The following MACROD2 variants were observed in gnomAD, a reference collection of about 807,000 sequenced individuals.
MACROD2 encodes the protein ADP-ribose glycohydrolase MACROD2.
In MACROD2, 36 loss-of-function variants were observed where a neutral mutation model predicts 70.4. The observed-to-expected ratio is 0.51, with a 90% confidence interval of 0.39 to 0.68. MACROD2 has a LOEUF of 0.68. Ranked by LOEUF, MACROD2 falls within the 30% of genes least tolerant of loss-of-function variation. The probability of loss-of-function intolerance (pLI) is 0.00; values close to 1 mark genes in which losing one functional copy is unlikely to be tolerated. For synonymous variants in MACROD2, 172 were observed against 178.8 expected (o/e 0.96, Z 0.30); for missense variants, 496 against 538.4 (o/e 0.92, Z 0.78).
At chr20:15,764,774 A>T (rs750200757) in intron 8 of MACROD2, among the ~76,000 whole-genome samples, 65 of 152,326 alleles carry the variant, frequency 4.3e-4, no homozygotes, top group Admixed American at 9.8e-4. Context: ...ACAAAATCAG[A>T]TCACAGCAAT....
chr20:14,678,244 T>C (rs184632987), intron 4 of MACROD2, among the ~76,000 whole-genome samples: 39 of 152,252 alleles, frequency 2.6e-4, no homozygotes, highest in African/African-American at 7.9e-4. Flanking sequence ...GGACTGGATG[T>C]AGAAATAGTT....
rs1037833685 is a variant in MACROD2 at position 15,825,093 on chromosome 20, C to A, written c.646-37652C>A. 2.6e-5 allele frequency among the ~76,000 whole-genome samples: 4 copies of A among 152,158 alleles called. No homozygotes were observed. In the South Asian group the frequency reaches 6.2e-4, roughly 24 times the overall value. On this transcript the variant is annotated intron_variant, in intron 8 of 17. Coordinates refer to ENST00000684519, the MANE Select transcript of MACROD2 (RefSeq NM_001351661.2). ...AATCTTTGACAATGTTCTCACCAGG[C>A]CAAAGCACAATGAGAAAAACATAAG...
chr20:14,560,143 G>A (rs546097282), intron 4 of MACROD2, among the ~76,000 whole-genome samples: 34 of 151,884 alleles, frequency 2.2e-4, no homozygotes, highest in African/African-American at 6.0e-4. Flanking sequence ...CTTGCTATCC[G>A]TTTTAAAGAA....
chr20:14,881,389 C>T (rs1319691795), intron 5 of MACROD2, among the ~76,000 whole-genome samples: 2 of 151,704 alleles, frequency 1.3e-5, no homozygotes, highest in South Asian at 4.2e-4. Context: ...AAAATAAAAG[C>T]TGGTGAACCT....
chr20:15,397,706 G>T (rs955085742), intron 6 of MACROD2, among the ~76,000 whole-genome samples: 42 of 152,268 alleles, frequency 2.8e-4, no homozygotes, highest in African/African-American at 9.6e-4. Flanking sequence ...TGAGATATAG[G>T]AATCTGATAG....
Position 15,117,385 on chromosome 20 carries a change from TG to T in MACROD2, c.419-112553del, listed in dbSNP as rs1456518527. ...TAGAAGAAATGAGTTGGTGTTTTTA[TG>T]GTGTTTCCTTCGAAACCCAAAACTG... On this transcript the variant is annotated intron_variant, in intron 5 of 17. Coordinates refer to ENST00000684519, the MANE Select transcript of MACROD2 (RefSeq NM_001351661.2). Among the ~76,000 whole-genome samples, 3 of 152,336 alleles carry T rather than the reference TG, an allele frequency of 2.0e-5. No homozygotes were observed. In the East Asian group the frequency reaches 5.8e-4, roughly 29 times the overall value.
At chr20:14,246,948 G>A (rs1434994137) in intron 3 of MACROD2, among the ~76,000 whole-genome samples, 2 of 152,086 alleles carry the variant, frequency 1.3e-5, no homozygotes, top group African/African-American at 4.8e-5. Context: ...CTTTATGACA[G>A]TCTTAACCCT....
rs188706906 is a variant in MACROD2, at chr20:14,550,610, C to T, written c.301+57102C>T. Among the ~76,000 whole-genome samples the T allele has an allele frequency of 1.4e-3, 220 of 152,292 alleles. 1 individual carries two copies. The highest frequency in any genetic ancestry group is 0.01 in the Middle Eastern group (3 of 294). ...CAGAACTGTGAGAAATAAATTTCCCCCTCCTACTAAATAGTTTTAGCTAAA... is the reference window on the plus strand; with the variant it reads ...CAGAACTGTGAGAAATAAATTTCCCTCTCCTACTAAATAGTTTTAGCTAAA... On this transcript the variant is annotated intron_variant, in intron 4 of 17. Transcript: ENST00000684519.
intron 5 of MACROD2, among the ~76,000 whole-genome samples, chr20:15,221,765 C>A (rs1169568249): frequency 6.6e-6 from 1 of 150,980 alleles, no homozygotes; most frequent in East Asian, 1.9e-4. Flanking sequence ...AACATCACAG[C>A]TTTGAAGTCA....
At chr20:14,045,075 G>C (rs1005250548) in intron 2 of MACROD2, among the ~76,000 whole-genome samples, 3 of 152,228 alleles carry the variant, frequency 2.0e-5, no homozygotes, top group South Asian at 2.1e-4. Flanking sequence ...TTGCCGCTCC[G>C]AGTGCGGGGC....
At chr20:14,240,511 C>CA (rs2081919483) in intron 3 of MACROD2, among the ~76,000 whole-genome samples, 1 of 152,108 alleles carries the variant, frequency 6.6e-6, no homozygotes, top group Non-Finnish European at 1.5e-5. Context: ...TACAGCCCCC[C>CA]AAAATGGATG....
At chr20:15,586,240 C>A (rs1254295269) in intron 8 of MACROD2, among the ~76,000 whole-genome samples, 1 of 152,112 alleles carries the variant, frequency 6.6e-6, no homozygotes, top group East Asian at 1.9e-4. Context: ...ACTACTTCAC[C>A]CCCAGTGACT....
intron 8 of MACROD2, among the ~76,000 whole-genome samples, chr20:15,717,912 T>C (rs1472309105): frequency 6.6e-6 from 1 of 152,112 alleles, no homozygotes; most frequent in Non-Finnish European, 1.5e-5. Flanking sequence ...GCAAGAGTGG[T>C]TGGACACAGA....
chr20:15,345,842 A>G lies in MACROD2; in HGVS notation c.541-85563A>G, dbSNP rs932915864. Among the ~76,000 whole-genome samples the G allele has an allele frequency of 5.3e-5, 8 of 152,290 alleles. 1 individual carries two copies. The East Asian group carries it at 5.8e-4, about 11-fold the overall frequency. The stretch of plus-strand genomic sequence containing the variant: ...AAGTTGCTGCTCAGAAGACAGTGCA[A>G]TGGACCATTCTGGTTGTTTAGGCAT... On this transcript the variant is annotated intron_variant, in intron 6 of 17. Transcript: ENST00000684519.
intron 10 of MACROD2, among the ~76,000 whole-genome samples, chr20:15,930,246 TAAAAAA>T (rs1161808763): frequency 6.6e-6 from 1 of 152,158 alleles, no homozygotes; most frequent in Non-Finnish European, 1.5e-5. Context: ...ACAAGGCTGA[TAAAAAA>T]GAAAGCTTGT....
chr20:14,152,385 G>T (rs1303693296), intron 3 of MACROD2, among the ~76,000 whole-genome samples: 2 of 150,732 alleles, frequency 1.3e-5, no homozygotes, highest in Non-Finnish European at 1.5e-5. Context: ...AACAATAATT[G>T]CATTTTTAGT....
At chr20:14,846,813 G>A (rs919463453) in intron 5 of MACROD2, among the ~76,000 whole-genome samples, 7 of 152,020 alleles carry the variant, frequency 4.6e-5, no homozygotes, top group African/African-American at 2.4e-5. Flanking sequence ...CACCGCATCC[G>A]GCCTTAATAT....
intron 3 of MACROD2, among the ~76,000 whole-genome samples, chr20:14,180,411 A>G (rs1197212610): frequency 6.6e-6 from 1 of 152,078 alleles, no homozygotes; most frequent in African/African-American, 2.4e-5. Context: ...TTGAGATATT[A>G]CTCCCAAACT....
At chr20:15,134,916 T>C (rs1394863996) in intron 5 of MACROD2, among the ~76,000 whole-genome samples, 1 of 151,990 alleles carries the variant, frequency 6.6e-6, no homozygotes, top group Non-Finnish European at 1.5e-5. Flanking sequence ...CAAACTACCA[T>C]CAGAGAATAC....
Sources: allele counts gnomAD v4.1 joint callset (sites outside exome capture counted in the v4.1 genomes callset), GRCh38; gene constraint gnomAD v4.1.1; transcripts MANE v1.5; gene names NCBI Gene and HGNC (gene_info 2026-07-23, HGNC 2026-07-21).